TASP1: variants seen among roughly 807,000 people sequenced by gnomAD.
TASP1 encodes threonine aspartase 1.
TASP1 carries 16 observed loss-of-function variants against 56.6 expected under a neutral mutation model. The ratio of observed to expected loss-of-function variants is 0.28; its 90% CI spans 0.19 to 0.43. The LOEUF (loss-of-function observed/expected upper bound fraction) is 0.43, where lower values mean the gene tolerates loss of function less well. Among genes scored for constraint, TASP1 ranks in the 20% least tolerant of loss-of-function variants. The probability of loss-of-function intolerance (pLI) is 1.00; values close to 1 mark genes in which losing one functional copy is unlikely to be tolerated. For synonymous variants in TASP1, 179 were observed against 184.2 expected, an observed-to-expected ratio of 0.97 and a Z score of 0.23; for missense variants, 393 against 511.6, an observed-to-expected ratio of 0.77 and a Z score of 2.24.
intron 11 of TASP1, among the ~76,000 whole-genome samples, chr20:13,454,222 T>C (rs1276003326): frequency 6.6e-6 from 1 of 152,138 alleles, no homozygotes; most frequent in Admixed American, 6.6e-5. Context: ...AGTGAATTTA[T>C]ATCTTCAGAA....
At chr20:13,417,627 A>G in intron 12 of TASP1, 106 bp from the exon 13 acceptor site, 1 of 1,154,588 alleles carries the variant, frequency 8.7e-7, no homozygotes, top group Non-Finnish European at 1.2e-6. Context: ...TAACACACTC[A>G]GTTCCCCACT....
At chr20:13,542,655 A>G (rs74666151) in intron 8 of TASP1, among the ~76,000 whole-genome samples, 5 of 152,194 alleles carry the variant, frequency 3.3e-5, no homozygotes, top group South Asian at 2.1e-4. Context: ...CTCTCTGACT[A>G]TAATACAATT....
At chr20:13,365,065 A>G in the TASP1 span, among the ~76,000 whole-genome samples, 8 of 152,260 alleles carry the variant, frequency 5.3e-5, no homozygotes, top group South Asian at 2.1e-4. Context: ...GGAAAATTCA[A>G]TTGGACCAAA....
At chr20:13,130,921 G>A in the TASP1 span, among the ~76,000 whole-genome samples, 1 of 152,190 alleles carries the variant, frequency 6.6e-6, no homozygotes, top group African/African-American at 2.4e-5. Context: ...TCAGGCCAAT[G>A]TTTATGCTAA....
the TASP1 span, among the ~76,000 whole-genome samples, chr20:13,321,885 G>A: frequency 7.9e-5 from 12 of 152,244 alleles, no homozygotes; most frequent in East Asian, 5.8e-4. Context: ...CTCCCTAATT[G>A]GCTGCATGCT....
the TASP1 span, among the ~76,000 whole-genome samples, chr20:13,172,868 A>G: frequency 6.6e-6 from 1 of 152,144 alleles, no homozygotes; most frequent in Non-Finnish European, 1.5e-5. Flanking sequence ...AGTATAATGA[A>G]AAGAAATTTT....
chr20:13,531,299 G>A (rs2045207540), intron 9 of TASP1, among the ~76,000 whole-genome samples: 1 of 152,064 alleles, frequency 6.6e-6, no homozygotes, highest in Non-Finnish European at 1.5e-5. Context: ...TAGAATAGAG[G>A]TTTACCTAGA....
the TASP1 span, among the ~76,000 whole-genome samples, chr20:13,122,399 G>A: frequency 6.6e-6 from 1 of 152,182 alleles, no homozygotes; most frequent in African/African-American, 2.4e-5. Flanking sequence ...GTACCGCAGG[G>A]TAAGGAGAGT....
intron 8 of TASP1, among the ~76,000 whole-genome samples, chr20:13,552,695 G>C (rs1383510430): frequency 6.6e-6 from 1 of 152,126 alleles, no homozygotes; most frequent in African/African-American, 2.4e-5. Context: ...AATTAGAAAG[G>C]AGTATGAAAA....
the TASP1 span, among the ~76,000 whole-genome samples, chr20:13,344,375 TG>T: frequency 6.6e-6 from 1 of 152,086 alleles, no homozygotes; most frequent in Non-Finnish European, 1.5e-5. Flanking sequence ...TTTCAGATCC[TG>T]GTAAAAGCAT....
At chr20:13,422,433 T>C (rs1261125194) in intron 12 of TASP1, among the ~76,000 whole-genome samples, 1 of 152,158 alleles carries the variant, frequency 6.6e-6, no homozygotes, top group Non-Finnish European at 1.5e-5. Flanking sequence ...TCTTTTCCAT[T>C]GCTGCATATA....
chr20:13,113,656 G>C, the TASP1 span, among the ~76,000 whole-genome samples: 1 of 152,204 alleles, frequency 6.6e-6, no homozygotes, highest in Non-Finnish European at 1.5e-5. Context: ...ACCTACATCT[G>C]TGTGGCCTCC....
chr20:13,528,367 GC>G (rs2045075251), intron 10 of TASP1, 65 bp downstream of exon 10: 1 of 1,370,840 alleles, frequency 7.3e-7, no homozygotes, highest in Non-Finnish European at 1.0e-6. Flanking sequence ...CACAAATATT[GC>G]TTTTAATCAT....
chr20:13,616,362 TAG>T (rs2048524856), intron 4 of TASP1, among the ~76,000 whole-genome samples: 1 of 152,110 alleles, frequency 6.6e-6, no homozygotes, highest in Non-Finnish European at 1.5e-5. Flanking sequence ...AGGGCATACA[TAG>T]AGAGTTCCAT....
At chr20:13,257,299 G>C in the TASP1 span, among the ~76,000 whole-genome samples, 2 of 152,170 alleles carry the variant, frequency 1.3e-5, no homozygotes, top group Non-Finnish European at 2.9e-5. Context: ...AGGATCATCT[G>C]AGGTCAGGAG....
chr20:13,441,355 A>T lies in TASP1; in HGVS notation c.986-6201T>A, dbSNP rs866067921. Among the ~76,000 whole-genome samples the T allele has an allele frequency of 1.8e-4, 28 of 152,302 alleles. No homozygotes were observed. The Middle Eastern group carries it at 0.02, about 111-fold the overall frequency. ...TACATCTAGTTGAGCAGCTTGGGGG[A>T]CAAGTATTAAACTCACAAACCAATA... On this transcript the variant is annotated intron_variant, in intron 11 of 13. Transcript: ENST00000337743.
the TASP1 span, chr20:13,222,016 GC>G: frequency 9.0e-7 from 1 of 1,112,794 alleles, no homozygotes; most frequent in Non-Finnish European, 1.2e-6. Flanking sequence ...CAGGTCCCCT[GC>G]CCCACCTAAG....
chr20:13,194,638 G>A, the TASP1 span, among the ~76,000 whole-genome samples: 1 of 151,568 alleles, frequency 6.6e-6, no homozygotes, highest in Non-Finnish European at 1.5e-5. Context: ...TCACCCTAAG[G>A]TTGGAGAGTG....
At chr20:13,286,087 T>C in the TASP1 span, among the ~76,000 whole-genome samples, 3 of 152,218 alleles carry the variant, frequency 2.0e-5, no homozygotes, top group African/African-American at 7.2e-5. Context: ...ATTCCCCCTT[T>C]TTATGAGTAT....
Sources: gnomAD v4.1 joint callset for allele counts (sites outside exome capture counted in the v4.1 genomes callset) on GRCh38, gnomAD v4.1.1 for gene constraint, MANE v1.5 for transcripts, NCBI Gene and HGNC (gene_info 2026-07-23, HGNC 2026-07-21) for gene names.